The following GRID2 variants were observed in gnomAD, a reference collection of about 807,000 sequenced individuals.
The protein encoded by GRID2 is glutamate ionotropic receptor delta type subunit 2.
In GRID2, 33 loss-of-function variants were observed where a neutral mutation model predicts 114.8. The observed-to-expected ratio is 0.29, with a 90% CI of 0.22 to 0.38. The LOEUF is 0.38. Ranked by LOEUF, GRID2 falls within the 10% of genes least tolerant of loss-of-function variation. GRID2 has a pLI of 1.00. For missense variants in GRID2, 1,184 were observed against 1,257.7 expected, an observed-to-expected ratio of 0.94 and a Z score of 0.89; for synonymous variants, 505 against 449.9, an observed-to-expected ratio of 1.12 and a Z score of -1.55.
intron 13 of GRID2, among the ~76,000 whole-genome samples, chr4:93,590,042 A>G (rs1738026673): frequency 6.7e-6 from 1 of 150,198 alleles, no homozygotes; most frequent in Admixed American, 6.6e-5. Flanking sequence ...TGCTGTGCAG[A>G]AGCTCTTTAG....
chr4:92,798,016 T>C (rs1739974628), intron 2 of GRID2, among the ~76,000 whole-genome samples: 1 of 152,026 alleles, frequency 6.6e-6, no homozygotes, highest in South Asian at 2.1e-4. Context: ...AATTTACTTT[T>C]TTAAGGTCCT....
chr4:93,736,031 A>G (rs1730900011), intron 14 of GRID2, among the ~76,000 whole-genome samples: 1 of 151,992 alleles, frequency 6.6e-6, no homozygotes, highest in South Asian at 2.1e-4. Context: ...GTAATTTAGT[A>G]TAATCTAAGT....
intron 1 of GRID2, among the ~76,000 whole-genome samples, chr4:92,534,867 G>A (rs1364334055): frequency 6.6e-6 from 1 of 152,056 alleles, no homozygotes; most frequent in Admixed American, 6.5e-5. Context: ...ACTTGAGCTT[G>A]GAAAGACTAA....
chr4:93,114,743 G>A (rs1159603574), intron 4 of GRID2, among the ~76,000 whole-genome samples: 1 of 152,136 alleles, frequency 6.6e-6, no homozygotes, highest in Admixed American at 6.6e-5. Flanking sequence ...GACCCTATTA[G>A]TGCTGGGAGC....
At chr4:93,266,877 C>A (rs1048371161) in intron 8 of GRID2, among the ~76,000 whole-genome samples, 4 of 152,222 alleles carry the variant, frequency 2.6e-5, no homozygotes, top group Admixed American at 2.6e-4. Flanking sequence ...AGAAAGATTA[C>A]AAATACTGTT....
chr4:93,323,340 A>G (rs183001375), intron 8 of GRID2, among the ~76,000 whole-genome samples: 48 of 152,286 alleles, frequency 3.2e-4, no homozygotes, highest in Admixed American at 3.0e-3. Flanking sequence ...CAGGTTTGTC[A>G]AAGATCAGCT....
chr4:92,583,105 A>G (rs941584671), intron 1 of GRID2, among the ~76,000 whole-genome samples: 3 of 152,106 alleles, frequency 2.0e-5, no homozygotes, highest in Non-Finnish European at 4.4e-5. Flanking sequence ...GATTGCTAAG[A>G]AACTGAGAGC....
intron 14 of GRID2, among the ~76,000 whole-genome samples, chr4:93,730,919 G>C (rs1730427502): frequency 6.6e-6 from 1 of 152,222 alleles, no homozygotes; most frequent in African/African-American, 2.4e-5. Flanking sequence ...CTGAGGCCTT[G>C]ACTGCAACTC....
At chr4:92,609,827 A>G (rs1729637388) in intron 2 of GRID2, among the ~76,000 whole-genome samples, 1 of 151,590 alleles carries the variant, frequency 6.6e-6, no homozygotes, top group East Asian at 1.9e-4. Context: ...TACACATACT[A>G]TAGATGCAGT....
At chr4:93,704,548 G>A (rs917221334) in intron 14 of GRID2, among the ~76,000 whole-genome samples, 1 of 152,106 alleles carries the variant, frequency 6.6e-6, no homozygotes, top group African/African-American at 2.4e-5. Flanking sequence ...TGCTTTTGGT[G>A]TTTTATCTTT....
intron 4 of GRID2, among the ~76,000 whole-genome samples, chr4:93,169,182 AC>A (rs1271884999): frequency 3.3e-5 from 5 of 149,478 alleles, no homozygotes; most frequent in African/African-American, 1.2e-4. Flanking sequence ...ACACACACAC[AC>A]AAACTTAAAA....
At chr4:93,296,583 T>C (rs1310949064) in intron 8 of GRID2, among the ~76,000 whole-genome samples, 1 of 152,172 alleles carries the variant, frequency 6.6e-6, no homozygotes, top group Non-Finnish European at 1.5e-5. Context: ...CTTCCTTCTT[T>C]TACATGCAAA....
At chr4:92,920,895 G>T (rs1457215639) in intron 2 of GRID2, among the ~76,000 whole-genome samples, 1 of 152,104 alleles carries the variant, frequency 6.6e-6, no homozygotes, top group Non-Finnish European at 1.5e-5. Context: ...ATGTTGGTCT[G>T]CCTTGCTAGA....
chr4:93,048,472 C>G (rs1726376228), intron 2 of GRID2, among the ~76,000 whole-genome samples: 1 of 151,992 alleles, frequency 6.6e-6, no homozygotes, highest in South Asian at 2.1e-4. Flanking sequence ...GACTTCTGAA[C>G]AAACTTCCGT....
At chr4:93,293,810 C>CATTTATTT (rs1378175655) in intron 8 of GRID2, among the ~76,000 whole-genome samples, 17 of 152,328 alleles carry the variant, frequency 1.1e-4, no homozygotes, top group African/African-American at 4.1e-4. Flanking sequence ...TCCATTCATT[C>CATTTATTT]ATGTACTATT....
chr4:93,119,475 C>T (rs777863365), intron 4 of GRID2, among the ~76,000 whole-genome samples: 22 of 152,152 alleles, frequency 1.4e-4, no homozygotes, highest in South Asian at 1.0e-3. Context: ...TGAGAAGATA[C>T]GCCAATTCTT....
intron 2 of GRID2, among the ~76,000 whole-genome samples, chr4:92,674,808 C>T (rs1317550190): frequency 1.3e-5 from 2 of 152,226 alleles, no homozygotes; most frequent in Admixed American, 1.3e-4. Flanking sequence ...GGATTACAGG[C>T]ATGAGCCACT....
intron 7 of GRID2, among the ~76,000 whole-genome samples, chr4:93,232,031 A>G (rs768968464): frequency 6.6e-6 from 1 of 152,284 alleles, no homozygotes; most frequent in East Asian, 1.9e-4. Context: ...TGTAGCTGAT[A>G]TATCTATTAG....
At chr4:93,070,653 C>T (rs918699611) in intron 2 of GRID2, among the ~76,000 whole-genome samples, 1 of 152,012 alleles carries the variant, frequency 6.6e-6, no homozygotes, top group Non-Finnish European at 1.5e-5. Flanking sequence ...TTACCAAGGT[C>T]ATATGAGTTT....
Sources: allele counts gnomAD v4.1 joint callset (sites outside exome capture counted in the v4.1 genomes callset), GRCh38; gene constraint gnomAD v4.1.1; transcripts MANE v1.5; gene names NCBI Gene and HGNC (gene_info 2026-07-23, HGNC 2026-07-21).